Variants in PCDH9 observed in about 807,000 individuals in gnomAD.
PCDH9 encodes the protein protocadherin-9.
PCDH9 carries 24 observed loss-of-function variants against 70.6 expected under a neutral mutation model. That is an observed-to-expected ratio of 0.34 (90% CI 0.25 to 0.48). The LOEUF (loss-of-function observed/expected upper bound fraction) is 0.48, where lower values mean the gene tolerates loss of function less well. Ranked by LOEUF, PCDH9 falls within the 20% of genes least tolerant of loss-of-function variation. The probability of loss-of-function intolerance (pLI) is 0.99; values close to 1 mark genes in which losing one functional copy is unlikely to be tolerated. For missense variants in PCDH9, 1,281 were observed against 1,503.6 expected, an observed-to-expected ratio of 0.85 and a Z score of 2.45; for synonymous variants, 562 against 558.5, an observed-to-expected ratio of 1.01 and a Z score of -0.09.
At chr13:66,782,359 G>A (rs981854444) in intron 3 of PCDH9, among the ~76,000 whole-genome samples, 1 of 152,108 alleles carries the variant, frequency 6.6e-6, no homozygotes, top group African/African-American at 2.4e-5. Flanking sequence ...AGGAGAGATA[G>A]CTGTCAGCTG....
chr13:66,529,423 C>T (rs1566394400), intron 4 of PCDH9, among the ~76,000 whole-genome samples: 1 of 151,950 alleles, frequency 6.6e-6, no homozygotes, highest in East Asian at 1.9e-4. Context: ...AAAACTGAAA[C>T]TGTCTTTTAT....
chr13:67,103,229 TA>T (rs1412019813), intron 2 of PCDH9, among the ~76,000 whole-genome samples: 1 of 152,180 alleles, frequency 6.6e-6, no homozygotes, highest in East Asian at 1.9e-4. Context: ...AAATCATGAA[TA>T]AAATATTATT....
intron 3 of PCDH9, among the ~76,000 whole-genome samples, chr13:66,825,738 A>G (rs1473375280): frequency 6.6e-6 from 1 of 152,232 alleles, no homozygotes; most frequent in Non-Finnish European, 1.5e-5. Flanking sequence ...AACAAAGTCA[A>G]CATGATAAAA....
intron 3 of PCDH9, among the ~76,000 whole-genome samples, chr13:66,777,038 C>T (rs965731097): frequency 4.0e-5 from 6 of 151,300 alleles, no homozygotes; most frequent in African/African-American, 1.5e-4. Context: ...GAAAGGATTC[C>T]CCATTTAATA....
intron 2 of PCDH9, among the ~76,000 whole-genome samples, chr13:67,148,070 G>C (rs1421255396): frequency 6.6e-6 from 1 of 152,130 alleles, no homozygotes; most frequent in African/African-American, 2.4e-5. Flanking sequence ...GTGGTCCCCA[G>C]TGAAAAGTTG....
intron 3 of PCDH9, among the ~76,000 whole-genome samples, chr13:66,878,579 G>T (rs968888868): frequency 2.0e-5 from 3 of 152,108 alleles, no homozygotes; most frequent in Non-Finnish European, 4.4e-5. Flanking sequence ...TTGAACACCC[G>T]ATTTTATCTT....
intron 4 of PCDH9, among the ~76,000 whole-genome samples, chr13:66,389,808 C>T (rs1377409628): frequency 6.6e-6 from 1 of 152,112 alleles, no homozygotes; most frequent in Non-Finnish European, 1.5e-5. Context: ...CAATGACTTC[C>T]ATCATGAAAG....
rs553167882 is a variant in PCDH9 at position 66,507,904 on chromosome 13, G to C, written c.3340+123306C>G. ...GCCCAGCTAATTTTTTGTATTTTTA[G>C]TAGAGACAGGGTTTCACCGCGTTAG... On this transcript the variant is annotated intron_variant, in intron 4 of 4. Coordinates refer to ENST00000377865, the MANE Select transcript of PCDH9 (RefSeq NM_203487.3). Among the ~76,000 whole-genome samples the C allele has an allele frequency of 4.6e-5, 7 of 152,152 alleles. No individual in the cohort carries two copies. The South Asian group carries it at 1.2e-3, about 27-fold the overall frequency.
At chr13:67,098,026 T>C (rs1054090942) in intron 2 of PCDH9, among the ~76,000 whole-genome samples, 1 of 152,186 alleles carries the variant, frequency 6.6e-6, no homozygotes, top group Non-Finnish European at 1.5e-5. Flanking sequence ...CACATATACA[T>C]GCAATCACAT....
chr13:67,144,837 G>A (rs2087482319), intron 2 of PCDH9, among the ~76,000 whole-genome samples: 1 of 152,092 alleles, frequency 6.6e-6, no homozygotes, highest in Admixed American at 6.5e-5. Context: ...CAAAAAGCAA[G>A]ATGAATTGGG....
intron 3 of PCDH9, among the ~76,000 whole-genome samples, chr13:66,819,702 C>A (rs2080675711): frequency 6.6e-6 from 1 of 152,088 alleles, no homozygotes; most frequent in East Asian, 1.9e-4. Flanking sequence ...CCAGTCTGGG[C>A]AACAGAGTGA....
chr13:66,310,079 T>C (rs1039730145), intron 4 of PCDH9, among the ~76,000 whole-genome samples: 2 of 152,024 alleles, frequency 1.3e-5, no homozygotes, highest in South Asian at 2.1e-4. Flanking sequence ...AATTCTTTGT[T>C]GCTTTGCACA....
intron 3 of PCDH9, among the ~76,000 whole-genome samples, chr13:66,684,601 G>T (rs556039368): frequency 2.2e-4 from 34 of 152,228 alleles, no homozygotes; most frequent in Non-Finnish European, 4.0e-4. Context: ...TTCACATGAA[G>T]TAGGATGTGT....
At chr13:66,739,454 T>C (rs2139196038) in intron 3 of PCDH9, among the ~76,000 whole-genome samples, 1 of 150,484 alleles carries the variant, frequency 6.6e-6, no homozygotes, top group South Asian at 2.1e-4. Flanking sequence ...AATCACCAGC[T>C]AACATCATAA....
At chr13:66,698,707 A>G (rs1376898414) in intron 3 of PCDH9, among the ~76,000 whole-genome samples, 1 of 151,868 alleles carries the variant, frequency 6.6e-6, no homozygotes, top group Non-Finnish European at 1.5e-5. Context: ...GCTCTCAAGT[A>G]GGTGGGACTA....
chr13:66,984,994 C>G (rs1024597278), intron 2 of PCDH9, among the ~76,000 whole-genome samples: 2 of 152,034 alleles, frequency 1.3e-5, no homozygotes, highest in Non-Finnish European at 2.9e-5. Context: ...CCTTAGGTTA[C>G]TTGCACTTGC....
At chr13:66,637,913 CAAAA>C (rs10716518) in intron 3 of PCDH9, among the ~76,000 whole-genome samples, 1 of 137,376 alleles carries the variant, frequency 7.3e-6, no homozygotes. Context: ...GACTCCTTCT[CAAAA>C]AAAAAAAAAA....
intron 4 of PCDH9, among the ~76,000 whole-genome samples, chr13:66,449,561 AC>A (rs1848619848): frequency 6.6e-6 from 1 of 152,132 alleles, no homozygotes; most frequent in African/African-American, 2.4e-5. Context: ...TAATGCTGTT[AC>A]GCCCACCTCA....
chr13:66,779,358 T>G (rs1304569931), intron 3 of PCDH9, among the ~76,000 whole-genome samples: 1 of 152,104 alleles, frequency 6.6e-6, no homozygotes, highest in Admixed American at 6.5e-5. Flanking sequence ...GATGAATACA[T>G]AAAATAATCT....
Sources: gnomAD v4.1 joint callset for allele counts (sites outside exome capture counted in the v4.1 genomes callset) on GRCh38, gnomAD v4.1.1 for gene constraint, MANE v1.5 for transcripts, NCBI Gene and HGNC (gene_info 2026-07-23, HGNC 2026-07-21) for gene names.